SMTNL2: variants seen among roughly 807,000 people sequenced by gnomAD.
SMTNL2 encodes smoothelin-like protein 2.
A neutral mutation model predicts 44.1 loss-of-function variants in SMTNL2; 43 were observed. That is an observed-to-expected ratio of 0.98 (90% CI 0.76 to 1.26). The LOEUF is 1.26. SMTNL2 is among the 50% of genes most tolerant of loss of function. The pLI, the probability that SMTNL2 is intolerant of heterozygous loss-of-function variation, is 0.00. For synonymous variants in SMTNL2, 317 were observed against 287.6 expected, an observed-to-expected ratio of 1.10 and a Z score of -1.03; for missense variants, 646 against 670.2, an observed-to-expected ratio of 0.96 and a Z score of 0.40.
At chr17:4,601,056 C>T (rs1234888690) in intron 7 of SMTNL2, among the ~76,000 whole-genome samples, 1 of 152,238 alleles carries the variant, frequency 6.6e-6, no homozygotes, top group Non-Finnish European at 1.5e-5. Context: ...GGAGAAAACC[C>T]TTTCAGCCTT....
chr17:4,606,294 G>T (rs1456601679), intron 7 of SMTNL2, among the ~76,000 whole-genome samples: 1 of 151,762 alleles, frequency 6.6e-6, no homozygotes, highest in Admixed American at 6.6e-5. Flanking sequence ...GCTAATTTTT[G>T]TATTTTTAGT....
chr17:4,606,361 A>T (rs1349345025), intron 7 of SMTNL2, among the ~76,000 whole-genome samples: 1 of 149,976 alleles, frequency 6.7e-6, no homozygotes, highest in East Asian at 2.0e-4. Flanking sequence ...ACCTCAGGTG[A>T]CCCGCCTGCC....
Position 4,607,039 on chromosome 17 carries a change from C to G in SMTNL2, c.1260-322C>G, listed in dbSNP as rs1267186106. Among the ~76,000 whole-genome samples the G allele has an allele frequency of 6.6e-6, 1 of 151,978 alleles. No homozygotes were observed. Among genetic ancestry groups the G allele is most frequent in the Non-Finnish European group, 1.5e-5 (1 of 68,004 alleles). On this transcript the variant is annotated intron_variant, in intron 7 of 7. Transcript: ENST00000389313. The surrounding 1 kb of genome is among the most constrained non-coding windows in gnomAD (Gnocchi z 4.7). Reference sequence around the variant, plus strand: ...GATCGAGGCTGCAATAAGCTAGGATCGTGCCTCTGTACTCATGCCTGGGCA... The same window carrying G: ...GATCGAGGCTGCAATAAGCTAGGATGGTGCCTCTGTACTCATGCCTGGGCA...
At chr17:4,589,066 C>T (rs1045870091) in intron 1 of SMTNL2, among the ~76,000 whole-genome samples, 6 of 152,234 alleles carry the variant, frequency 3.9e-5, no homozygotes, top group Middle Eastern at 6.8e-3. Context: ...CAGCCCTACA[C>T]CCCAGCCTGC....
At chr17:4,601,085 C>T (rs9896250) in intron 7 of SMTNL2, among the ~76,000 whole-genome samples, 42,633 of 152,118 alleles carry the variant, frequency 0.28, 7,430 homozygotes, top group Non-Finnish European at 0.39. Context: ...CCCACTGATG[C>T]GGGGCGTAAG....
intron 7 of SMTNL2, among the ~76,000 whole-genome samples, chr17:4,604,568 T>G (rs1281442052): frequency 6.6e-6 from 1 of 152,106 alleles, no homozygotes; most frequent in Non-Finnish European, 1.5e-5. Context: ...CGCTGGGGTC[T>G]CCCCTCTGGC....
chr17:4,607,401 A>C lies in SMTNL2; in HGVS notation c.1300A>C (p.Met434Leu). 1 of 1,614,190 alleles carries C rather than the reference A, an allele frequency of 6.2e-7. No homozygotes were observed. The highest frequency in any genetic ancestry group is 8.5e-7 in the Non-Finnish European group (1 of 1,180,036). The change falls in exon 8 of 8, where the codon ATG becomes CTG. Residue 434 changes from methionine to leucine, a missense_variant. Met to Leu is a conservative substitution (Grantham distance 15). Transcript: ENST00000389313. This position sits in a 1 kb window ranked among gnomAD's most constrained non-coding sequence, Gnocchi z 4.7. Reference protein sequence around the residue: ...NCERLIEVEDMMVMGRKPDPM... With the variant: ...NCERLIEVEDLMVMGRKPDPM... ...TGAGCGCCTCATCGAAGTGGAGGAC[A>C]TGATGGTGATGGGCCGCAAGCCGGA...
At chr17:4,594,882 G>A (rs1008058367) in intron 4 of SMTNL2, among the ~76,000 whole-genome samples, 1 of 152,142 alleles carries the variant, frequency 6.6e-6, no homozygotes, top group African/African-American at 2.4e-5. Flanking sequence ...GTCCTCCCCA[G>A]GCATTGACAC....
intron 6 of SMTNL2, 74 bp from the exon 7 acceptor site, chr17:4,597,098 G>A: frequency 6.4e-7 from 1 of 1,563,780 alleles, no homozygotes; most frequent in Non-Finnish European, 8.7e-7. Context: ...TAAGGGGTAG[G>A]AACCACGGTA....
chr17:4,595,261 G>T lies in SMTNL2; in HGVS notation c.923G>T (p.Arg308Leu). 1 of 1,613,212 alleles carries T rather than the reference G, an allele frequency of 6.2e-7. No individual in the cohort carries two copies. Among genetic ancestry groups the T allele is most frequent in the Non-Finnish European group, 8.5e-7 (1 of 1,179,932 alleles). ...CTGGTGAGGTCGCAGACGCTGCCCC[G>T]CACCTCGGAGGCGCAGGCCCGGAAA... ...RELVRSQTLPRTSEAQARKAL... is the reference protein window; with the variant it reads ...RELVRSQTLPLTSEAQARKAL... Residue 308 changes from arginine to leucine, a missense_variant, in exon 5 of 8, where the codon CGC (arginine) becomes CTC (leucine). Physicochemically the swap from Arg to Leu is moderately radical, Grantham distance 102. Transcript: ENST00000389313. The surrounding 1 kb of genome is among the most constrained non-coding windows in gnomAD (Gnocchi z 5.1).
intron 7 of SMTNL2, among the ~76,000 whole-genome samples, chr17:4,605,153 GTTTTTTTTTTT>G (rs753950451): frequency 3.6e-5 from 3 of 82,250 alleles, no homozygotes; most frequent in Admixed American, 2.9e-4. Flanking sequence ...TTTTTGTTTG[GTTTTTTTTTTT>G]TTTTTTTTTT....
At chr17:4,603,984 G>A (rs564877336) in intron 7 of SMTNL2, among the ~76,000 whole-genome samples, 9 of 152,150 alleles carry the variant, frequency 5.9e-5, no homozygotes, top group East Asian at 1.9e-4. Flanking sequence ...AGCTGGGACT[G>A]CAGGCATACG....
intron 1 of SMTNL2, among the ~76,000 whole-genome samples, chr17:4,591,923 A>G (rs1909588544): frequency 6.6e-6 from 1 of 152,210 alleles, no homozygotes; most frequent in African/African-American, 2.4e-5. Context: ...TCCGTAGCTC[A>G]TCGTTGGCCC....
intron 1 of SMTNL2, among the ~76,000 whole-genome samples, chr17:4,587,313 T>C (rs1334853497): frequency 6.6e-6 from 1 of 152,184 alleles, no homozygotes; most frequent in Non-Finnish European, 1.5e-5. Flanking sequence ...CAGCTGCCGC[T>C]GGGCTGACCC....
chr17:4,592,349 G>A lies in SMTNL2; in HGVS notation c.400-12G>A. On this transcript the variant is annotated splice_polypyrimidine_tract_variant and intron_variant, in intron 1 of 7. Transcript: ENST00000389313. The surrounding 1 kb of genome is among the most constrained non-coding windows in gnomAD (Gnocchi z 4.5). ...AGCTGATGGGGTCTCGGTGACATTT[G>A]TGTCTCTGTAGAGTTTGGATCACGA... The A allele has an allele frequency of 1.2e-6, 2 of 1,613,202 alleles. No homozygotes were observed. Among genetic ancestry groups the A allele is most frequent in the Non-Finnish European group, 1.7e-6 (2 of 1,179,898 alleles).
At chr17:4,604,501 A>G (rs922167403) in intron 7 of SMTNL2, among the ~76,000 whole-genome samples, 1 of 152,196 alleles carries the variant, frequency 6.6e-6, no homozygotes, top group Non-Finnish European at 1.5e-5. Flanking sequence ...GAGTCCTGGT[A>G]GAAAGTGCTG....
In SMTNL2 at chr17:4,584,576, C is replaced by T; in HGVS notation, c.-30C>T. ...GCTCGGATCTTCTCCCCCGTCTGGC[C>T]CGCTCTCGACCCGCGCGCTCTGCTG... On this transcript the variant is annotated 5_prime_UTR_variant, in exon 1 of 8. Coordinates refer to ENST00000389313, the MANE Select transcript of SMTNL2 (RefSeq NM_001114974.2). 2 of 1,221,524 alleles carry T rather than the reference C, an allele frequency of 1.6e-6. No homozygotes were observed. Among genetic ancestry groups the T allele is most frequent in the Non-Finnish European group, 2.0e-6 (2 of 980,974 alleles). The allele number at this position is 1,221,524 out of a possible 1,614,324, so 75.7% of individuals were successfully genotyped here.
At chr17:4,597,744 T>A (rs1031996178) in intron 7 of SMTNL2, among the ~76,000 whole-genome samples, 1 of 152,226 alleles carries the variant, frequency 6.6e-6, no homozygotes, top group African/African-American at 2.4e-5. Context: ...GGATATGACC[T>A]GGGCCACTTA....
At chr17:4,594,256 C>T (rs1909707494) in intron 4 of SMTNL2, among the ~76,000 whole-genome samples, 1 of 152,110 alleles carries the variant, frequency 6.6e-6, no homozygotes, top group South Asian at 2.1e-4. Context: ...CGAGACCAGA[C>T]TGGCCAACAT....
Sources: gnomAD v4.1 joint callset for allele counts (sites outside exome capture counted in the v4.1 genomes callset) on GRCh38, gnomAD v4.1.1 for gene constraint, Gnocchi (gnomAD v3.1) non-coding constraint, MANE v1.5 for transcripts, NCBI Gene and HGNC (gene_info 2026-07-23, HGNC 2026-07-21) for gene names.